LINGO1: variants seen among roughly 807,000 people sequenced by gnomAD.
The protein encoded by LINGO1 is leucine-rich repeat and immunoglobulin-like domain-containing nogo receptor-interacting protein 1.
Under a neutral mutation model 37.3 loss-of-function variants are expected in LINGO1, and 11 were observed. That is an observed-to-expected ratio of 0.29 (90% CI 0.19 to 0.49). The LOEUF is 0.49. Among genes scored for constraint, LINGO1 ranks in the 20% least tolerant of loss-of-function variants. The pLI is 0.99. For missense variants in LINGO1, 585 were observed against 878.2 expected (o/e 0.67, Z 4.22); for synonymous variants, 387 against 403.0 (o/e 0.96, Z 0.48).
rs936001905 is a variant in LINGO1 at position 77,730,707 on chromosome 15, A to G, written c.-195+4285T>C. Among the ~76,000 whole-genome samples the G allele has an allele frequency of 2.6e-5, 4 of 152,258 alleles. No individual in the cohort carries two copies. The East Asian group carries it at 7.7e-4, about 29-fold the overall frequency. On this transcript the variant is annotated intron_variant, in intron 2 of 3. Coordinates refer to the LINGO1 transcript ENST00000561686. ...GCAGCAAGGCAGGGGGAAAAAAGCC[A>G]GACTTTGGCATCAGAGTGGCATGGG... is the stretch of plus-strand genomic sequence containing the variant.
At chr15:77,658,758 G>GT (rs2074922941) in intron 3 of LINGO1, among the ~76,000 whole-genome samples, 1 of 152,214 alleles carries the variant, frequency 6.6e-6, no homozygotes, top group Non-Finnish European at 1.5e-5. Flanking sequence ...GCTACTTTAG[G>GT]TTGAGTACAC....
chr15:77,716,501 G>A (rs11855821), intron 2 of LINGO1, among the ~76,000 whole-genome samples: 30,443 of 149,022 alleles, frequency 0.2, 4,637 homozygotes, highest in Middle Eastern at 0.29. Flanking sequence ...GTATGGCTAT[G>A]TACACTGTGA....
intron 1 of LINGO1, among the ~76,000 whole-genome samples, chr15:77,744,360 CCT>C (rs1293608093): frequency 6.6e-6 from 1 of 151,996 alleles, no homozygotes; most frequent in East Asian, 1.9e-4. Flanking sequence ...ATAGTGAAAC[CCT>C]GTCTCTACTA....
upstream of LINGO1, among the ~76,000 whole-genome samples, chr15:77,698,009 G>A (rs562232454): frequency 8.5e-5 from 13 of 152,238 alleles, no homozygotes; most frequent in African/African-American, 2.9e-4. Flanking sequence ...GTCTGGATTC[G>A]TGCTTCAGAA....
At chr15:77,737,560 T>C (rs150682389) in intron 1 of LINGO1, among the ~76,000 whole-genome samples, 1 of 152,230 alleles carries the variant, frequency 6.6e-6, no homozygotes, top group African/African-American at 2.4e-5. Context: ...ACTCAAGAGC[T>C]ATCTCTACTG....
At chr15:77,647,010 T>C (rs955807673) in intron 3 of LINGO1, among the ~76,000 whole-genome samples, 4 of 149,934 alleles carry the variant, frequency 2.7e-5, no homozygotes, top group African/African-American at 2.5e-5. Flanking sequence ...AAGGTCATGG[T>C]GAAGTGAGCA....
chr15:77,751,317 G>C (rs2076369077), intron 1 of LINGO1, among the ~76,000 whole-genome samples: 1 of 152,228 alleles, frequency 6.6e-6, no homozygotes, highest in Non-Finnish European at 1.5e-5. Flanking sequence ...CACATGGTAA[G>C]TCCTCAGCAA....
intron 1 of LINGO1, among the ~76,000 whole-genome samples, chr15:77,622,624 T>C (rs937056149): frequency 2.0e-5 from 3 of 152,102 alleles, no homozygotes; most frequent in African/African-American, 7.2e-5. Flanking sequence ...TCAGCTTCAG[T>C]ATGCGGGATC....
intron 2 of LINGO1, among the ~76,000 whole-genome samples, chr15:77,705,749 G>C (rs2075844851): frequency 6.6e-6 from 1 of 152,248 alleles, no homozygotes; most frequent in Non-Finnish European, 1.5e-5. Flanking sequence ...AAGGGGCTGA[G>C]CTGTTCCCAG....
At chr15:77,714,663 T>A (rs2075961876) in intron 2 of LINGO1, among the ~76,000 whole-genome samples, 1 of 152,234 alleles carries the variant, frequency 6.6e-6, no homozygotes, top group East Asian at 1.9e-4. Context: ...GCCTGGAGCG[T>A]GGCAGGCACT....
At chr15:77,711,409 C>T (rs2075916578) in intron 2 of LINGO1, among the ~76,000 whole-genome samples, 1 of 152,192 alleles carries the variant, frequency 6.6e-6, no homozygotes, top group African/African-American at 2.4e-5. Flanking sequence ...ACTCTGGGGG[C>T]CACAGGGAGA....
At chr15:77,683,797 C>T (rs539128165) in intron 2 of LINGO1, among the ~76,000 whole-genome samples, 10 of 151,384 alleles carry the variant, frequency 6.6e-5, no homozygotes, top group African/African-American at 1.2e-4. Context: ...ATATTGTTTC[C>T]GTTTTTTAAT....
chr15:77,646,216 T>TG, intron 3 of LINGO1: 8 of 269,022 alleles, frequency 3.0e-5, no homozygotes, highest in South Asian at 2.9e-4. Flanking sequence ...TGTCCCCACC[T>TG]GTGTCTAGCT....
chr15:77,755,904 G>A (rs2141373794), intron 1 of LINGO1, among the ~76,000 whole-genome samples: 1 of 152,258 alleles, frequency 6.6e-6, no homozygotes, highest in African/African-American at 2.4e-5. Context: ...TCTTCCAAAG[G>A]CTGATCCAGC....
chr15:77,714,970 C>G (rs1207790592), intron 2 of LINGO1, among the ~76,000 whole-genome samples: 1 of 152,216 alleles, frequency 6.6e-6, no homozygotes, highest in Non-Finnish European at 1.5e-5. Context: ...CTAGTCGAGT[C>G]ATCTGTTTAA....
intron 2 of LINGO1, among the ~76,000 whole-genome samples, chr15:77,708,676 G>A (rs527491729): frequency 6.6e-6 from 1 of 152,326 alleles, no homozygotes; most frequent in Non-Finnish European, 1.5e-5. Context: ...ACTTTGGGAG[G>A]CCAAGGCAGG....
chr15:77,725,552 G>C (rs1160581510), intron 2 of LINGO1, among the ~76,000 whole-genome samples: 1 of 152,194 alleles, frequency 6.6e-6, no homozygotes, highest in Non-Finnish European at 1.5e-5. Context: ...AACAGAGCAA[G>C]ACCCTGTCTC....
At chr15:77,806,375 A>G (rs1273832488) in intron 1 of LINGO1, among the ~76,000 whole-genome samples, 1 of 152,216 alleles carries the variant, frequency 6.6e-6, no homozygotes, top group East Asian at 1.9e-4. Context: ...CACAGGGCTC[A>G]GGAGGAGAGG....
upstream of LINGO1, among the ~76,000 whole-genome samples, chr15:77,696,905 G>A (rs2075703309): frequency 6.6e-6 from 1 of 152,272 alleles, no homozygotes; most frequent in Admixed American, 6.5e-5. Flanking sequence ...CCACAGATGG[G>A]TGACACTCAT....
Sources: gnomAD v4.1 joint callset for allele counts (sites outside exome capture counted in the v4.1 genomes callset) on GRCh38, gnomAD v4.1.1 for gene constraint, MANE v1.5 for transcripts, NCBI Gene and HGNC (gene_info 2026-07-23, HGNC 2026-07-21) for gene names.